TPRG1: variants seen among roughly 807,000 people sequenced by gnomAD.
The protein encoded by TPRG1 is tumor protein p63 regulated 1, also known as tumor protein p63-regulated gene 1 protein.
Under a neutral mutation model 29.3 loss-of-function variants are expected in TPRG1, and 29 were observed. That is an observed-to-expected ratio of 0.99 (90% CI 0.74 to 1.35). TPRG1 has a LOEUF of 1.35. Ranked by LOEUF, TPRG1 falls within the 40% of genes most tolerant of loss-of-function variation. The probability of loss-of-function intolerance (pLI) is 0.00; values close to 1 mark genes in which losing one functional copy is unlikely to be tolerated. For synonymous variants in TPRG1, 130 were observed against 116.8 expected (o/e 1.11, Z -0.73); for missense variants, 327 against 335.0 (o/e 0.98, Z 0.19).
chr3:189,080,329 G>A (rs1717505008), intron 4 of TPRG1, among the ~76,000 whole-genome samples: 1 of 152,148 alleles, frequency 6.6e-6, no homozygotes, highest in African/African-American at 2.4e-5. Flanking sequence ...ACTGGAGGGA[G>A]GTATTGCTTC....
chr3:189,282,242 A>G (rs1717278358), intron 4 of TPRG1, among the ~76,000 whole-genome samples: 4 of 145,662 alleles, frequency 2.7e-5, no homozygotes, highest in South Asian at 4.3e-4. Context: ...AGGCAGCAGC[A>G]TAGGTAGTGG....
chr3:189,155,412 A>G (rs886557438), intron 5 of TPRG1, among the ~76,000 whole-genome samples: 3 of 152,106 alleles, frequency 2.0e-5, no homozygotes, highest in Admixed American at 6.6e-5. Context: ...CCTAATTCCT[A>G]TAAGGCAGAG....
chr3:189,028,429 C>T (rs1470002619), intron 4 of TPRG1, among the ~76,000 whole-genome samples: 1 of 152,164 alleles, frequency 6.6e-6, no homozygotes, highest in African/African-American at 2.4e-5. Context: ...CTTTTGCTGT[C>T]CTTCATATAG....
chr3:189,201,649 G>T (rs1425644398), intron 1 of TPRG1, among the ~76,000 whole-genome samples: 2 of 151,876 alleles, frequency 1.3e-5, no homozygotes, highest in Non-Finnish European at 2.9e-5. Context: ...TCAAATTGTT[G>T]TTTTTTTATT....
At chr3:189,017,911 T>C (rs201467570) in intron 3 of TPRG1, among the ~76,000 whole-genome samples, 3 of 151,426 alleles carry the variant, frequency 2.0e-5, no homozygotes, top group Non-Finnish European at 3.0e-5. Flanking sequence ...GACTTTTTAA[T>C]GATCGCCATT....
chr3:189,087,793 G>A (rs1019510029), intron 4 of TPRG1, among the ~76,000 whole-genome samples: 4 of 152,080 alleles, frequency 2.6e-5, no homozygotes, highest in Non-Finnish European at 5.9e-5. Context: ...TTTTTGTAAG[G>A]TTTGTCAAAG....
chr3:189,022,473 C>G (rs1224014641), intron 3 of TPRG1, among the ~76,000 whole-genome samples: 1 of 151,252 alleles, frequency 6.6e-6, no homozygotes, highest in Admixed American at 6.6e-5. Flanking sequence ...AGCTGCAGGT[C>G]TGTTGGAGTA....
chr3:189,173,069 T>A (rs749432339), intron 1 of TPRG1, among the ~76,000 whole-genome samples: 4 of 152,200 alleles, frequency 2.6e-5, no homozygotes, highest in Non-Finnish European at 5.9e-5. Flanking sequence ...TTTAAGGAAA[T>A]CTCATCTTCA....
intron 4 of TPRG1, among the ~76,000 whole-genome samples, chr3:189,250,795 G>A (rs139069511): frequency 1.1e-3 from 160 of 148,286 alleles, no homozygotes; most frequent in African/African-American, 3.3e-3. Flanking sequence ...GTACCCACTC[G>A]CTGTAGGTGG....
At chr3:189,224,253 C>T (rs575936428) in intron 3 of TPRG1, among the ~76,000 whole-genome samples, 2 of 152,266 alleles carry the variant, frequency 1.3e-5, no homozygotes, top group East Asian at 1.9e-4. Context: ...GAGGCGAAAG[C>T]GGGTGGATCA....
intron 3 of TPRG1, among the ~76,000 whole-genome samples, chr3:189,216,206 A>G (rs1424580762): frequency 6.6e-6 from 1 of 152,192 alleles, no homozygotes; most frequent in African/African-American, 2.4e-5. Context: ...TTAATTCAGT[A>G]AGTTCTGTTT....
intron 3 of TPRG1, among the ~76,000 whole-genome samples, chr3:189,010,379 G>A (rs1712534163): frequency 6.6e-6 from 1 of 152,142 alleles, no homozygotes; most frequent in Non-Finnish European, 1.5e-5. Context: ...CACAATGGCT[G>A]AGCTAATTCA....
chr3:189,074,351 G>A (rs999713309), intron 4 of TPRG1, among the ~76,000 whole-genome samples: 10 of 151,164 alleles, frequency 6.6e-5, no homozygotes, highest in Admixed American at 3.3e-4. Context: ...GACTACAGGC[G>A]CCCGCCACTA....
intron 4 of TPRG1, among the ~76,000 whole-genome samples, chr3:189,300,169 A>G (rs902957392): frequency 2.6e-5 from 4 of 152,254 alleles, no homozygotes; most frequent in Non-Finnish European, 4.4e-5. Flanking sequence ...ATAGGATACC[A>G]TGGGATTATC....
At chr3:189,300,572 G>T (rs1054207181) in intron 4 of TPRG1, among the ~76,000 whole-genome samples, 2 of 152,152 alleles carry the variant, frequency 1.3e-5, no homozygotes, top group Admixed American at 6.5e-5. Flanking sequence ...AAGAAAGCAG[G>T]CTTAATGTTA....
chr3:189,227,618 C>T (rs1027435308), intron 3 of TPRG1, among the ~76,000 whole-genome samples: 3 of 152,168 alleles, frequency 2.0e-5, no homozygotes, highest in African/African-American at 4.8e-5. Flanking sequence ...ACACTTCTTA[C>T]GCTGTAACTT....
chr3:189,252,953 A>G (rs989988782), intron 4 of TPRG1, among the ~76,000 whole-genome samples: 1 of 152,168 alleles, frequency 6.6e-6, no homozygotes, highest in Non-Finnish European at 1.5e-5. Context: ...AATTTCATTT[A>G]CATATTGGAA....
intron 4 of TPRG1, among the ~76,000 whole-genome samples, chr3:189,309,270 T>C (rs898738800): frequency 9.2e-5 from 14 of 152,146 alleles, no homozygotes; most frequent in Admixed American, 2.6e-4. Context: ...TGTGTGAAAT[T>C]GTGCTTATAC....
At chr3:189,043,216 C>A (rs1166876491) in intron 4 of TPRG1, among the ~76,000 whole-genome samples, 1 of 152,118 alleles carries the variant, frequency 6.6e-6, no homozygotes, top group Non-Finnish European at 1.5e-5. Context: ...GAACATAGGG[C>A]CTCATGGTGC....
Sources: gnomAD v4.1 joint callset for allele counts (sites outside exome capture counted in the v4.1 genomes callset) on GRCh38, gnomAD v4.1.1 for gene constraint, MANE v1.5 for transcripts, NCBI Gene and HGNC (gene_info 2026-07-23, HGNC 2026-07-21) for gene names.